KPNA1: variants seen among roughly 807,000 people sequenced by gnomAD.
The protein encoded by KPNA1 is importin subunit alpha-5.
In KPNA1, 10 loss-of-function variants were observed where a neutral mutation model predicts 70.5. That is an observed-to-expected ratio of 0.14 (90% CI 0.09 to 0.24). The LOEUF is 0.24. Among genes scored for constraint, KPNA1 ranks in the 10% least tolerant of loss-of-function variants. The pLI, the probability that KPNA1 is intolerant of heterozygous loss-of-function variation, is 1.00. For missense variants in KPNA1, 397 were observed against 637.9 expected, an observed-to-expected ratio of 0.62 and a Z score of 4.07; for synonymous variants, 192 against 221.9, an observed-to-expected ratio of 0.87 and a Z score of 1.20.
rs556955615 is a variant in KPNA1 at position 122,488,496 on chromosome 3, A to G, written c.129+7941T>C. Among the ~76,000 whole-genome samples the G allele has an allele frequency of 1.6e-4, 25 of 152,334 alleles. No homozygotes were observed. The South Asian group carries it at 5.2e-3, about 32-fold the overall frequency. ...ATCACACCACTACACTCTAGCCTGC[A>G]TGGGCAACAGAATGAGACTCTGTCT... On this transcript the variant is annotated intron_variant, in intron 2 of 13. Transcript: ENST00000344337.
intron 1 of KPNA1, among the ~76,000 whole-genome samples, chr3:122,511,257 C>T (rs1250844143): frequency 6.6e-6 from 1 of 152,084 alleles, no homozygotes; most frequent in African/African-American, 2.4e-5. Flanking sequence ...TGCCTTGTTG[C>T]TCACAGAGTA....
intron 9 of KPNA1, among the ~76,000 whole-genome samples, chr3:122,444,687 A>C (rs1490568161): frequency 1.3e-5 from 2 of 152,160 alleles, no homozygotes; most frequent in East Asian, 3.9e-4. Flanking sequence ...TCCAGAGAAA[A>C]TATCAGGCAG....
chr3:122,492,427 C>T (rs2076710908), intron 2 of KPNA1, among the ~76,000 whole-genome samples: 1 of 151,860 alleles, frequency 6.6e-6, no homozygotes, highest in African/African-American at 2.4e-5. Flanking sequence ...TAATGAAAGC[C>T]ACAAATGAAA....
intron 9 of KPNA1, chr3:122,442,807 T>C (rs1006363946): frequency 6.6e-6 from 1 of 152,230 alleles, no homozygotes; most frequent in African/African-American, 2.4e-5. Flanking sequence ...TAACATGTGA[T>C]GATTAAAAAG....
chr3:122,430,110 T>C (rs1379717118), intron 12 of KPNA1, among the ~76,000 whole-genome samples: 3 of 152,162 alleles, frequency 2.0e-5, no homozygotes, highest in African/African-American at 4.8e-5. Context: ...CTTTTTTATA[T>C]GTTATTGTTG....
At chr3:122,474,945 A>G (rs1358604076) in intron 2 of KPNA1, among the ~76,000 whole-genome samples, 4 of 152,212 alleles carry the variant, frequency 2.6e-5, no homozygotes, top group African/African-American at 9.6e-5. Flanking sequence ...AAGATCAGAA[A>G]CAAGACAAGG....
Position 122,463,927 on chromosome 3 carries a change from A to C in KPNA1, c.337+15T>G. On this transcript the variant is annotated intron_variant, in intron 4 of 13. Transcript: ENST00000344337. ...AGAGAGATGAAAAAATATACTGAAC[A>C]TATTCATAGCTCACCTTTTGAAAGC... The C allele has an allele frequency of 6.9e-7, 1 of 1,457,706 alleles. No homozygotes were observed. The highest frequency in any genetic ancestry group is 9.6e-7 in the Non-Finnish European group (1 of 1,045,120). 90.3% of individuals were successfully genotyped at this position (1,457,706 alleles called of 1,614,324 possible).
chr3:122,446,838 A>C (rs1316820878), intron 9 of KPNA1, among the ~76,000 whole-genome samples: 1 of 152,240 alleles, frequency 6.6e-6, no homozygotes, highest in Non-Finnish European at 1.5e-5. Context: ...TAAAGGGGAT[A>C]TCACCACCGA....
chr3:122,494,063 A>G (rs1442668418), intron 2 of KPNA1, among the ~76,000 whole-genome samples: 1 of 152,096 alleles, frequency 6.6e-6, no homozygotes, highest in African/African-American at 2.4e-5. Flanking sequence ...GAACTTTGTC[A>G]GATAGTGTTA....
chr3:122,467,652 T>C (rs1378306034), intron 2 of KPNA1, among the ~76,000 whole-genome samples: 1 of 151,510 alleles, frequency 6.6e-6, no homozygotes, highest in Non-Finnish European at 1.5e-5. Flanking sequence ...CACTTGATAA[T>C]GTAAAACTTA....
chr3:122,495,207 G>A (rs747128983), intron 2 of KPNA1, among the ~76,000 whole-genome samples: 1 of 138,660 alleles, frequency 7.2e-6, no homozygotes, highest in African/African-American at 2.6e-5. Flanking sequence ...CCAAGATCAC[G>A]CCACCATACT....
chr3:122,463,516 TA>T (rs532512930), intron 4 of KPNA1, among the ~76,000 whole-genome samples: 437 of 137,016 alleles, frequency 3.2e-3, no homozygotes, highest in Middle Eastern at 7.4e-3. Context: ...GAGCCGTCTT[TA>T]AAAAAAAAAA....
intron 2 of KPNA1, among the ~76,000 whole-genome samples, chr3:122,481,667 T>C (rs2076572306): frequency 1.3e-5 from 2 of 152,244 alleles, no homozygotes; most frequent in African/African-American, 4.8e-5. Context: ...AGTGGGTGAA[T>C]TGTACAGCGT....
Position 122,423,162 on chromosome 3 carries a change from G to A in KPNA1, c.*3823C>T, listed in dbSNP as rs760262223. On this transcript the variant is annotated 3_prime_UTR_variant, in exon 14 of 14. Transcript: ENST00000344337. The stretch of plus-strand genomic sequence containing the variant: ...TATTCTTTATGATAGCCAACTTACT[G>A]TAGTAGTCACATCTGACCTTTGATA... 20 of 152,144 alleles carry A rather than the reference G, an allele frequency of 1.3e-4. No homozygotes were observed. Among genetic ancestry groups the A allele is most frequent in the Non-Finnish European group, 1.5e-4 (10 of 68,038 alleles). The allele number at this position is 152,144 out of a possible 1,614,324, so 9.4% of individuals were successfully genotyped here. A position where few individuals can be genotyped will look rare whatever the true frequency, so the allele number is the denominator to read the frequency against.
Position 122,510,811 on chromosome 3 carries a change from G to A in KPNA1, c.-6+3946C>T, listed in dbSNP as rs556851222. Reference sequence around the variant, plus strand: ...CTTTTCAAGTGCAGAGGCTGGGACAGGGAACAGCTGCTTTTCAGGTATTCT... The same window carrying A: ...CTTTTCAAGTGCAGAGGCTGGGACAAGGAACAGCTGCTTTTCAGGTATTCT... On this transcript the variant is annotated intron_variant, in intron 1 of 13. Coordinates refer to ENST00000344337, the MANE Select transcript of KPNA1 (RefSeq NM_002264.4). 1.2e-4 allele frequency among the ~76,000 whole-genome samples: 19 copies of A among 152,296 alleles called. 1 individual carries two copies. The South Asian group carries it at 3.7e-3, about 30-fold the overall frequency.
chr3:122,495,726 C>CAA (rs397876048), intron 2 of KPNA1, among the ~76,000 whole-genome samples: 9,390 of 67,932 alleles, frequency 0.14, 896 homozygotes, highest in East Asian at 0.31. Flanking sequence ...CTCTCCTTAG[C>CAA]AAAAAAAAAA....
intron 9 of KPNA1, among the ~76,000 whole-genome samples, chr3:122,443,960 G>C (rs987005704): frequency 2.0e-5 from 3 of 152,142 alleles, no homozygotes; most frequent in Non-Finnish European, 4.4e-5. Context: ...AATTCGCCAG[G>C]CTGGAATTTC....
rs866456907 is a variant in KPNA1 at position 122,514,929 on chromosome 3, G to C, written c.-178C>G. The C allele has an allele frequency of 3.0e-4, 46 of 152,412 alleles. No homozygotes were observed. Among genetic ancestry groups the C allele is most frequent in the African/African-American group, 1.0e-3 (43 of 41,590 alleles). The allele number at this position is 152,412 out of a possible 1,614,324, so 9.4% of individuals were successfully genotyped here. ...AGCAGCGAGACTCAGCTCAGCCGGCGTTCGCAGTGCGCCTGCGTGCGGGGG... is the reference window on the plus strand; with the variant it reads ...AGCAGCGAGACTCAGCTCAGCCGGCCTTCGCAGTGCGCCTGCGTGCGGGGG... On this transcript the variant is annotated 5_prime_UTR_variant, in exon 1 of 14. Coordinates refer to ENST00000344337, the MANE Select transcript of KPNA1 (RefSeq NM_002264.4).
intron 1 of KPNA1, among the ~76,000 whole-genome samples, chr3:122,511,458 G>C (rs1330233273): frequency 6.6e-6 from 1 of 152,064 alleles, no homozygotes; most frequent in Non-Finnish European, 1.5e-5. Context: ...ACAACACTTG[G>C]ACAGAACCAT....
Sources: gnomAD v4.1 joint callset for allele counts (sites outside exome capture counted in the v4.1 genomes callset) on GRCh38, gnomAD v4.1.1 for gene constraint, MANE v1.5 for transcripts, NCBI Gene and HGNC (gene_info 2026-07-23, HGNC 2026-07-21) for gene names.